EPB41L4A: variants seen among roughly 807,000 people sequenced by gnomAD.
EPB41L4A encodes erythrocyte membrane protein band 4.1 like 4A, also known as band 4.1-like protein 4A.
In EPB41L4A, 100 loss-of-function variants were observed where a neutral mutation model predicts 108.6. The observed-to-expected ratio is 0.92, with a 90% CI of 0.78 to 1.09. EPB41L4A has a LOEUF of 1.09. EPB41L4A is among the 50% of genes least tolerant of loss of function. The pLI is 0.00. For synonymous variants in EPB41L4A, 319 were observed against 289.0 expected (o/e 1.10, Z -1.05); for missense variants, 1,030 against 842.7 (o/e 1.22, Z -2.75).
chr5:112,148,155 TATA>T (rs1289507987), intron 12 of EPB41L4A, among the ~76,000 whole-genome samples: 1 of 148,200 alleles, frequency 6.7e-6, no homozygotes, highest in Non-Finnish European at 1.5e-5. Flanking sequence ...AATATAATAA[TATA>T]ATAGTATTAC....
chr5:112,364,863 T>C (rs566033394), intron 1 of EPB41L4A, among the ~76,000 whole-genome samples: 9 of 152,324 alleles, frequency 5.9e-5, no homozygotes, highest in South Asian at 2.1e-4. Context: ...AAAATAAATA[T>C]GCAGCATAAA....
intron 22 of EPB41L4A, among the ~76,000 whole-genome samples, chr5:112,167,872 C>T (rs1456680936): frequency 1.3e-5 from 2 of 152,090 alleles, no homozygotes; most frequent in African/African-American, 4.8e-5. Flanking sequence ...ATGATAGATA[C>T]TGCTGGTGTC....
chr5:112,307,364 AAC>A lies in EPB41L4A; in HGVS notation c.204+20_204+21del. On this transcript the variant is annotated intron_variant, in intron 2 of 22. Transcript: ENST00000261486. ...GTGAAATTTATAACCAGAAAAATTT[AAC>A]ACAAAGTCACCTTACTCACCGTCTG... 6.6e-7 allele frequency: 1 copy of A among 1,518,328 alleles called. No homozygotes were observed. Among genetic ancestry groups the A allele is most frequent in the Non-Finnish European group, 9.1e-7 (1 of 1,095,370 alleles). 94.1% of individuals were successfully genotyped at this position (1,518,328 alleles called of 1,614,324 possible).
At position 112,145,723 on chromosome 5, in the gene EPB41L4A, C is replaced by T. The variant is rs375030390; in HGVS notation, n.1112+158G>A. ...TTTATTCTATTTAATTTCACATCAT[C>T]CCAAATTTGATAAACGTGCATACAA... On this transcript the variant is annotated intron_variant and non_coding_transcript_variant, in intron 13 of 13. Coordinates refer to the EPB41L4A transcript ENST00000507810. Among the ~76,000 whole-genome samples the T allele has an allele frequency of 8.7e-4, 133 of 152,260 alleles. 1 individual carries two copies. The South Asian group carries it at 0.027, about 31-fold the overall frequency.
downstream of EPB41L4A, chr5:112,161,909 T>A (rs1294010465): frequency 5.7e-6 from 1 of 174,812 alleles, no homozygotes; most frequent in Non-Finnish European, 1.2e-5. Flanking sequence ...TTAAGGTGAG[T>A]TAATAAATGG....
intron 2 of EPB41L4A, among the ~76,000 whole-genome samples, chr5:112,281,393 T>A (rs138199890): frequency 5.3e-4 from 81 of 152,330 alleles, no homozygotes; most frequent in Non-Finnish European, 1.1e-3. Flanking sequence ...CGCCTCTCCA[T>A]CTGTGGGAAG....
intron 16 of EPB41L4A, among the ~76,000 whole-genome samples, chr5:112,194,873 G>A (rs994422185): frequency 9.2e-5 from 14 of 152,094 alleles, no homozygotes; most frequent in East Asian, 1.9e-4. Context: ...TATAAAAACC[G>A]ATTAAGGTGA....
intron 5 of EPB41L4A, among the ~76,000 whole-genome samples, chr5:112,265,453 A>G (rs569332201): frequency 6.6e-6 from 1 of 152,350 alleles, no homozygotes; most frequent in Non-Finnish European, 1.5e-5. Context: ...TGGAAATGCA[A>G]TACAATGCTG....
At chr5:112,271,423 T>C (rs1752257316) in intron 4 of EPB41L4A, among the ~76,000 whole-genome samples, 1 of 152,274 alleles carries the variant, frequency 6.6e-6, no homozygotes, top group Non-Finnish European at 1.5e-5. Context: ...AAGTACACTC[T>C]TACATATTCC....
intron 1 of EPB41L4A, among the ~76,000 whole-genome samples, chr5:112,360,552 G>A (rs1758657889): frequency 6.6e-6 from 1 of 152,270 alleles, no homozygotes; most frequent in African/African-American, 2.4e-5. Flanking sequence ...CGGGATTGCA[G>A]ACGGAGTCTC....
Position 112,418,948 on chromosome 5 carries a change from C to A in EPB41L4A, c.92G>T (p.Gly31Val). Residue 31 changes from glycine (G) to valine (V), a missense_variant, in exon 1 of 23, where the codon GGC (glycine) becomes GTC (valine). Transcript: ENST00000261486. ...SKLTLTTQQQGIKKSTKGSVV... is the reference protein window; with the variant it reads ...SKLTLTTQQQVIKKSTKGSVV... ...GCTCCGGGCCGCACCCACCTTGATG[C>A]CCTGCTGCTGGGTGGTAAGGGTTAA... is the stretch of plus-strand genomic sequence containing the variant. 6.2e-7 allele frequency: 1 copy of A among 1,612,720 alleles called. No individual in the cohort carries two copies. Among genetic ancestry groups the A allele is most frequent in the Non-Finnish European group, 8.5e-7 (1 of 1,179,162 alleles).
chr5:112,407,017 T>C (rs894339085), intron 1 of EPB41L4A, among the ~76,000 whole-genome samples: 5 of 152,094 alleles, frequency 3.3e-5, no homozygotes, highest in African/African-American at 7.2e-5. Context: ...CTGAATTAAC[T>C]GAGGATATGG....
At chr5:112,329,265 C>T (rs1417815829) in intron 1 of EPB41L4A, among the ~76,000 whole-genome samples, 2 of 152,036 alleles carry the variant, frequency 1.3e-5, no homozygotes, top group African/African-American at 4.8e-5. Context: ...ATCCTTTTTA[C>T]TTTTTAAATG....
chr5:112,183,931 C>A, intron 18 of EPB41L4A, 85 bp downstream of exon 18: 2 of 1,511,602 alleles, frequency 1.3e-6, no homozygotes, highest in Non-Finnish European at 1.8e-6. Context: ...CCTAGTTGAA[C>A]TAAAACACTT....
chr5:112,346,216 A>ATTTTTTTTTTTTTT (rs561328868), intron 1 of EPB41L4A, among the ~76,000 whole-genome samples: 708 of 67,332 alleles, frequency 0.011, 183 homozygotes, highest in Middle Eastern at 0.02. Context: ...GGTACATTGC[A>ATTTTTTTTTTTTTT]TTTTTTTTTT....
chr5:112,386,602 T>C (rs1001366146), intron 1 of EPB41L4A, among the ~76,000 whole-genome samples: 1 of 152,204 alleles, frequency 6.6e-6, no homozygotes, highest in Non-Finnish European at 1.5e-5. Context: ...ATGTAAGATA[T>C]TGGAATGAGC....
At chr5:112,308,468 G>T (rs1754836583) in intron 1 of EPB41L4A, among the ~76,000 whole-genome samples, 1 of 152,186 alleles carries the variant, frequency 6.6e-6, no homozygotes, top group Non-Finnish European at 1.5e-5. Flanking sequence ...GCAATATGAG[G>T]TTATAAAAGT....
At chr5:112,166,076 A>C (rs1760225513) in intron 22 of EPB41L4A, among the ~76,000 whole-genome samples, 2 of 152,190 alleles carry the variant, frequency 1.3e-5, no homozygotes, top group South Asian at 4.1e-4. Context: ...GAGGACCTGA[A>C]ATAAGTACTA....
chr5:112,187,476 C>A (rs1761485415), intron 17 of EPB41L4A, among the ~76,000 whole-genome samples: 1 of 152,212 alleles, frequency 6.6e-6, no homozygotes, highest in African/African-American at 2.4e-5. Context: ...CAAACTTCAA[C>A]ACTCTACTTT....
Sources: gnomAD v4.1 joint callset for allele counts (sites outside exome capture counted in the v4.1 genomes callset) on GRCh38, gnomAD v4.1.1 for gene constraint, MANE v1.5 for transcripts, NCBI Gene and HGNC (gene_info 2026-07-23, HGNC 2026-07-21) for gene names.